Variants in BCAS3 observed in about 807,000 individuals in gnomAD.
BCAS3 encodes BCAS3 microtubule associated cell migration factor.
A neutral mutation model predicts 116.1 loss-of-function variants in BCAS3; 53 were observed. The ratio of observed to expected loss-of-function variants is 0.46; its 90% CI spans 0.37 to 0.57. The LOEUF (loss-of-function observed/expected upper bound fraction) is 0.57, where lower values mean the gene tolerates loss of function less well. BCAS3 is among the 20% of genes least tolerant of loss of function. BCAS3 has a pLI of 0.00. For synonymous variants in BCAS3, 391 were observed against 408.2 expected (o/e 0.96, Z 0.51); for missense variants, 917 against 1,165.4 (o/e 0.79, Z 3.10).
intron 22 of BCAS3, among the ~76,000 whole-genome samples, chr17:61,304,681 C>T (rs1313297081): frequency 1.3e-5 from 2 of 152,180 alleles, no homozygotes; most frequent in South Asian, 2.1e-4. Context: ...CAGGTAGTCA[C>T]CTCCATAGTG....
intron 7 of BCAS3, among the ~76,000 whole-genome samples, chr17:60,847,971 G>A (rs2052681297): frequency 1.3e-5 from 2 of 152,078 alleles, no homozygotes; most frequent in African/African-American, 2.4e-5. Flanking sequence ...TTTTATATTT[G>A]GGTTAGAACT....
chr17:60,701,158 C>T lies in BCAS3; in HGVS notation c.215-8061C>T, dbSNP rs150374331. ...ACTCAGGAGGCTGAGGCACTAGAAT[C>T]GCTTTAACTGGGGAGGCGGAGGTTG... On this transcript the variant is annotated intron_variant, in intron 4 of 23. Transcript: ENST00000407086. 2.3e-4 allele frequency among the ~76,000 whole-genome samples: 35 copies of T among 151,978 alleles called. No homozygotes were observed. The East Asian group carries it at 4.5e-3, about 19-fold the overall frequency.
At chr17:60,933,927 T>C (rs933952627) in intron 13 of BCAS3, among the ~76,000 whole-genome samples, 1 of 152,200 alleles carries the variant, frequency 6.6e-6, no homozygotes, top group South Asian at 2.1e-4. Context: ...AGTGGTGTCC[T>C]TTACTCATGT....
chr17:61,360,716 A>G (rs1412148793), intron 22 of BCAS3, among the ~76,000 whole-genome samples: 1 of 152,208 alleles, frequency 6.6e-6, no homozygotes, highest in Admixed American at 6.5e-5. Context: ...TGAGATCCTT[A>G]ATTACATTTG....
rs372285812 is a variant in BCAS3 at position 61,107,199 on chromosome 17, G to A, written c.2425+22635G>A. Among the ~76,000 whole-genome samples, 100 of 145,154 alleles carry A rather than the reference G, an allele frequency of 6.9e-4. No individual in the cohort carries two copies. The East Asian group carries it at 9.9e-3, about 14-fold the overall frequency. On this transcript the variant is annotated intron_variant, in intron 22 of 23. Coordinates refer to ENST00000407086, the MANE Select transcript of BCAS3 (RefSeq NM_017679.5). ...CCTCCCGGGTTCAAGTGATTCTTCT[G>A]CCTCAGCCTCCTGAGTAGCTGGGAT...
chr17:60,752,901 G>A (rs1333527385), intron 6 of BCAS3, among the ~76,000 whole-genome samples: 1 of 152,176 alleles, frequency 6.6e-6, no homozygotes, highest in East Asian at 1.9e-4. Context: ...CTGGGATGCA[G>A]TGGTGTGATC....
intron 22 of BCAS3, among the ~76,000 whole-genome samples, chr17:61,169,378 T>C (rs1296580771): frequency 1.3e-5 from 2 of 152,338 alleles, no homozygotes; most frequent in South Asian, 2.1e-4. Flanking sequence ...TGGTTTGAGA[T>C]TTTTGTATGT....
chr17:60,792,822 C>G (rs1019213291), intron 6 of BCAS3, among the ~76,000 whole-genome samples: 1 of 152,150 alleles, frequency 6.6e-6, no homozygotes, highest in Admixed American at 6.5e-5. Context: ...GAAGTGTGAG[C>G]CAAGTAAACC....
intron 10 of BCAS3, chr17:60,900,041 T>G (rs372385189): frequency 6.6e-6 from 1 of 151,730 alleles, no homozygotes; most frequent in Non-Finnish European, 1.5e-5. Flanking sequence ...CTCATAGGAG[T>G]AGGGGACCAC....
intron 7 of BCAS3, among the ~76,000 whole-genome samples, chr17:60,841,782 A>T (rs1425821804): frequency 6.6e-6 from 1 of 151,948 alleles, no homozygotes; most frequent in African/African-American, 2.4e-5. Context: ...TGAGGGCTTG[A>T]CTAGGGGAGA....
In BCAS3 at chr17:61,125,692, A is replaced by G. The variant is rs1035045983; in HGVS notation, c.2425+41128A>G. Among the ~76,000 whole-genome samples the G allele has an allele frequency of 4.6e-5, 7 of 152,200 alleles. No individual in the cohort carries two copies. In the East Asian group the frequency reaches 1.2e-3, roughly 25 times the overall value. Reference sequence around the variant, plus strand: ...CTGTGAATGGTTTTGGACATACACTATTCCCAAGATGGGAATGTATAGATA... The same window carrying G: ...CTGTGAATGGTTTTGGACATACACTGTTCCCAAGATGGGAATGTATAGATA... On this transcript the variant is annotated intron_variant, in intron 22 of 23. Coordinates refer to ENST00000407086, the MANE Select transcript of BCAS3 (RefSeq NM_017679.5).
intron 5 of BCAS3, among the ~76,000 whole-genome samples, chr17:60,732,948 TGAGATCAGGA>T (rs1292443113): frequency 1.3e-5 from 2 of 152,246 alleles, no homozygotes; most frequent in East Asian, 3.8e-4. Flanking sequence ...TAGCATGATT[TGAGATCAGGA>T]GAGCTAAGGT....
At chr17:61,269,078 C>A (rs2050010386) in intron 22 of BCAS3, among the ~76,000 whole-genome samples, 1 of 151,892 alleles carries the variant, frequency 6.6e-6, no homozygotes. Context: ...GCAGTGAACA[C>A]AGGTGTGCAA....
At chr17:61,176,907 C>T (rs1435448729) in intron 22 of BCAS3, among the ~76,000 whole-genome samples, 2 of 152,112 alleles carry the variant, frequency 1.3e-5, no homozygotes, top group African/African-American at 2.4e-5. Flanking sequence ...GAACAGATTT[C>T]ACCAAAGAAG....
intron 22 of BCAS3, among the ~76,000 whole-genome samples, chr17:61,201,854 G>A (rs2080843113): frequency 6.6e-6 from 1 of 151,338 alleles, no homozygotes; most frequent in Non-Finnish European, 1.5e-5. Flanking sequence ...CGCCTCCCGG[G>A]TTCAAGTGAT....
chr17:61,360,334 A>G (rs531003886), intron 22 of BCAS3, among the ~76,000 whole-genome samples: 1 of 152,226 alleles, frequency 6.6e-6, no homozygotes, highest in Non-Finnish European at 1.5e-5. Flanking sequence ...CTTTCATAAT[A>G]CTATCTGGTC....
At chr17:60,740,986 C>T (rs1240774148) in intron 5 of BCAS3, among the ~76,000 whole-genome samples, 4 of 152,110 alleles carry the variant, frequency 2.6e-5, no homozygotes, top group Non-Finnish European at 4.4e-5. Flanking sequence ...CTGGGTTCCC[C>T]TGGAATTTTT....
At chr17:61,099,691 A>G (rs569575786) in intron 22 of BCAS3, among the ~76,000 whole-genome samples, 1 of 152,242 alleles carries the variant, frequency 6.6e-6, no homozygotes, top group Non-Finnish European at 1.5e-5. Flanking sequence ...GGTTATCTTT[A>G]TAAAGCATTA....
chr17:60,902,232 G>A (rs1297328966), intron 10 of BCAS3, among the ~76,000 whole-genome samples: 1 of 152,154 alleles, frequency 6.6e-6, no homozygotes, highest in African/African-American at 2.4e-5. Context: ...GGAGTTAACA[G>A]GATAAAACAT....
Sources: allele counts gnomAD v4.1 joint callset (sites outside exome capture counted in the v4.1 genomes callset), GRCh38; gene constraint gnomAD v4.1.1; transcripts MANE v1.5; gene names NCBI Gene and HGNC (gene_info 2026-07-23, HGNC 2026-07-21).